The following PTPRD variants were observed in gnomAD, a reference collection of about 807,000 sequenced individuals.
The protein encoded by PTPRD is receptor-type tyrosine-protein phosphatase delta.
Under a neutral mutation model 214.5 loss-of-function variants are expected in PTPRD, and 34 were observed. That is an observed-to-expected ratio of 0.16 (90% confidence interval 0.12 to 0.21). PTPRD has a LOEUF of 0.21. Among genes scored for constraint, PTPRD ranks in the 10% least tolerant of loss-of-function variants. PTPRD has a pLI of 1.00. For missense variants in PTPRD, 2,545 were observed against 2,398.7 expected, an observed-to-expected ratio of 1.06 and a Z score of -1.27; for synonymous variants, 1,128 against 845.7, an observed-to-expected ratio of 1.33 and a Z score of -5.79.
intron 7 of PTPRD, among the ~76,000 whole-genome samples, chr9:9,653,643 T>C (rs2096434303): frequency 6.6e-6 from 1 of 152,116 alleles, no homozygotes; most frequent in Non-Finnish European, 1.5e-5. Flanking sequence ...TATTATAATG[T>C]GGTTGAAGAA....
At chr9:9,672,298 G>C (rs927736547) in intron 7 of PTPRD, among the ~76,000 whole-genome samples, 1 of 151,904 alleles carries the variant, frequency 6.6e-6, no homozygotes, top group African/African-American at 2.4e-5. Flanking sequence ...TTGATGTATG[G>C]TTTATGATGG....
chr9:8,351,012 G>A (rs879459792), intron 39 of PTPRD, among the ~76,000 whole-genome samples: 8 of 152,168 alleles, frequency 5.3e-5, no homozygotes, highest in Admixed American at 3.9e-4. Context: ...AAAGAGAGTA[G>A]AAAGAGATTT....
intron 3 of PTPRD, among the ~76,000 whole-genome samples, chr9:10,303,895 C>T (rs945122896): frequency 6.6e-6 from 1 of 152,126 alleles, no homozygotes; most frequent in African/African-American, 2.4e-5. Context: ...AAGATGGAAT[C>T]CTCCCTAACT....
intron 3 of PTPRD, among the ~76,000 whole-genome samples, chr9:10,334,205 A>C (rs2154436110): frequency 6.6e-6 from 1 of 151,922 alleles, no homozygotes; most frequent in African/African-American, 2.4e-5. Context: ...CTCTGAAAAA[A>C]GGTTATAAGA....
chr9:10,046,155 C>T (rs553500185), intron 3 of PTPRD, among the ~76,000 whole-genome samples: 15 of 151,814 alleles, frequency 9.9e-5, no homozygotes, highest in Admixed American at 5.3e-4. Context: ...CATCATTAAG[C>T]GGCTTTTCCA....
intron 3 of PTPRD, among the ~76,000 whole-genome samples, chr9:10,229,828 T>C (rs975075513): frequency 1.3e-5 from 2 of 151,804 alleles, no homozygotes; most frequent in Admixed American, 6.6e-5. Context: ...GTTATGCACA[T>C]GTACCCTAAA....
rs758809344 is a variant in PTPRD, at chr9:8,404,577, G to A, written c.4170C>T (p.Ile1390=). Residue 1390 remains isoleucine, a synonymous_variant, in exon 36 of 46, where the codon ATC becomes ATT. Coordinates refer to ENST00000381196, the MANE Select transcript of PTPRD (RefSeq NM_002839.4). ...GGAGAACCCGGGAATGATCATATGC[G>A]ATTACATTCGCGTATCTATTCTTTG... ...NKPKNRYANV[I]AYDHSRVLLS... is the part of the protein sequence containing the mutation. 1.5e-5 allele frequency: 25 copies of A among 1,613,154 alleles called. No individual in the cohort carries two copies. Among genetic ancestry groups the A allele is most frequent in the South Asian group, 8.8e-5 (8 of 91,024 alleles).
intron 11 of PTPRD, among the ~76,000 whole-genome samples, chr9:8,955,508 T>C (rs1296933454): frequency 6.6e-6 from 1 of 151,854 alleles, no homozygotes; most frequent in Non-Finnish European, 1.5e-5. Flanking sequence ...CTCAGGGAAA[T>C]GGAAGTGCCC....
intron 2 of PTPRD, among the ~76,000 whole-genome samples, chr9:10,471,278 C>T (rs577405202): frequency 2.6e-5 from 4 of 151,856 alleles, no homozygotes; most frequent in Admixed American, 6.6e-5. Context: ...ACATGTATCC[C>T]GGAACTTAAA....
intron 36 of PTPRD, among the ~76,000 whole-genome samples, chr9:8,393,433 CTGTT>C (rs371325940): frequency 1.7e-4 from 26 of 152,006 alleles, no homozygotes; most frequent in African/African-American, 5.3e-4. Flanking sequence ...TTTGGGTTTC[CTGTT>C]TGTTTGTTTT....
At chr9:10,054,228 T>C (rs2097582101) in intron 3 of PTPRD, among the ~76,000 whole-genome samples, 1 of 152,160 alleles carries the variant, frequency 6.6e-6, no homozygotes, top group Non-Finnish European at 1.5e-5. Context: ...ACACAAATGA[T>C]ATTGTGCTTA....
chr9:8,571,175 T>C (rs1405286976), intron 14 of PTPRD, among the ~76,000 whole-genome samples: 1 of 152,104 alleles, frequency 6.6e-6, no homozygotes, highest in African/African-American at 2.4e-5. Context: ...TTATGCTTTG[T>C]TGTCATTAGC....
At chr9:9,642,756 AAATAT>A (rs1410499249) in intron 7 of PTPRD, among the ~76,000 whole-genome samples, 5 of 152,232 alleles carry the variant, frequency 3.3e-5, no homozygotes, top group African/African-American at 1.2e-4. Context: ...AAGGAACTAT[AAATAT>A]ATTTGCTCCC....
intron 9 of PTPRD, among the ~76,000 whole-genome samples, chr9:9,305,792 T>A (rs1956948009): frequency 6.6e-6 from 1 of 152,090 alleles, no homozygotes; most frequent in Non-Finnish European, 1.5e-5. Context: ...GGTTGTCATG[T>A]GACAATTAGA....
chr9:8,879,025 G>C (rs966743746), intron 11 of PTPRD, among the ~76,000 whole-genome samples: 7 of 152,202 alleles, frequency 4.6e-5, no homozygotes, highest in Admixed American at 1.3e-4. Flanking sequence ...TGTTGATACT[G>C]TGGAACACTT....
chr9:10,234,896 C>G (rs1353761199), intron 3 of PTPRD, among the ~76,000 whole-genome samples: 1 of 151,694 alleles, frequency 6.6e-6, no homozygotes, highest in Non-Finnish European at 1.5e-5. Flanking sequence ...ATATATTACC[C>G]TTAATACATG....
At chr9:8,696,042 C>A (rs1403482562) in intron 12 of PTPRD, among the ~76,000 whole-genome samples, 1 of 152,162 alleles carries the variant, frequency 6.6e-6, no homozygotes, top group South Asian at 2.1e-4. Flanking sequence ...TGACACCTGA[C>A]ATAAGAGAGT....
intron 5 of PTPRD, among the ~76,000 whole-genome samples, chr9:9,828,478 A>T (rs1180038223): frequency 1.3e-5 from 2 of 152,094 alleles, no homozygotes; most frequent in Non-Finnish European, 2.9e-5. Flanking sequence ...AGGAAGGGGA[A>T]CATCACACAC....
chr9:10,359,927 G>A (rs2097345972), intron 2 of PTPRD, among the ~76,000 whole-genome samples: 1 of 152,118 alleles, frequency 6.6e-6, no homozygotes, highest in African/African-American at 2.4e-5. Context: ...AAATTACAGG[G>A]AGAATTGTAT....
Sources: gnomAD v4.1 joint callset for allele counts (sites outside exome capture counted in the v4.1 genomes callset) on GRCh38, gnomAD v4.1.1 for gene constraint, MANE v1.5 for transcripts, NCBI Gene and HGNC (gene_info 2026-07-23, HGNC 2026-07-21) for gene names.